Variants in FOXP1 observed in about 807,000 individuals in gnomAD.
The protein encoded by FOXP1 is forkhead box protein P1.
A neutral mutation model predicts 98.2 loss-of-function variants in FOXP1; 15 were observed. The observed-to-expected ratio is 0.15, with a 90% CI of 0.10 to 0.24. The LOEUF (loss-of-function observed/expected upper bound fraction) is 0.24, where lower values mean the gene tolerates loss of function less well. Ranked by LOEUF, FOXP1 falls within the 10% of genes least tolerant of loss-of-function variation. The pLI, the probability that FOXP1 is intolerant of heterozygous loss-of-function variation, is 1.00. For missense variants in FOXP1, 633 were observed against 848.5 expected, an observed-to-expected ratio of 0.75 and a Z score of 3.15; for synonymous variants, 371 against 314.5, an observed-to-expected ratio of 1.18 and a Z score of -1.90.
At position 71,424,975 on chromosome 3, in the gene FOXP1, T is replaced by C. The variant is rs1404767354; in HGVS notation, c.-167-65731A>G. 3.9e-5 allele frequency among the ~76,000 whole-genome samples: 6 copies of C among 152,356 alleles called. 1 individual carries two copies. Among genetic ancestry groups the C allele is most frequent in the Middle Eastern group, 6.8e-3 (2 of 294 alleles). On this transcript the variant is annotated intron_variant, in intron 3 of 20. Coordinates refer to ENST00000649528, the MANE Select transcript of FOXP1 (RefSeq NM_001349338.3). ...AGGGAAATGTGTATGGCAGTTGCCA[T>C]ACTCTCAGTGTTTACTCAGAAAAAG...
intron 7 of FOXP1, among the ~76,000 whole-genome samples, chr3:71,080,647 GCTT>G (rs1303395881): frequency 2.0e-5 from 3 of 152,138 alleles, no homozygotes; most frequent in Non-Finnish European, 2.9e-5. Context: ...CCTCTGTACT[GCTT>G]TGACACATCC....
At chr3:71,157,993 C>T (rs1324911978) in intron 6 of FOXP1, among the ~76,000 whole-genome samples, 4 of 150,856 alleles carry the variant, frequency 2.7e-5, no homozygotes, top group East Asian at 2.0e-4. Flanking sequence ...GAGGCTGAGG[C>T]GGGAGGATCG....
intron 7 of FOXP1, among the ~76,000 whole-genome samples, chr3:71,098,338 G>A (rs1360365691): frequency 2.6e-5 from 4 of 152,112 alleles, no homozygotes; most frequent in Admixed American, 2.6e-4. Context: ...AAAGTTCTAT[G>A]CCATTAATAT....
intron 3 of FOXP1, among the ~76,000 whole-genome samples, chr3:71,464,669 C>G (rs745596880): frequency 6.6e-6 from 1 of 152,300 alleles, no homozygotes; most frequent in African/African-American, 2.4e-5. Context: ...TCTGCTCTAC[C>G]CTTTTCACCC....
intron 3 of FOXP1, among the ~76,000 whole-genome samples, chr3:71,428,021 C>G (rs2084323837): frequency 6.6e-6 from 1 of 152,170 alleles, no homozygotes. Flanking sequence ...AAGAGTGGAA[C>G]TGGGAGAGAG....
chr3:71,278,364 G>A (rs2071141041), intron 5 of FOXP1, among the ~76,000 whole-genome samples: 1 of 152,178 alleles, frequency 6.6e-6, no homozygotes, highest in South Asian at 2.1e-4. Flanking sequence ...CAGAAGCACT[G>A]GACAGTAGGC....
At chr3:71,092,712 A>T (rs1235932742) in intron 7 of FOXP1, among the ~76,000 whole-genome samples, 1 of 152,158 alleles carries the variant, frequency 6.6e-6, no homozygotes, top group Non-Finnish European at 1.5e-5. Context: ...ATTTTCCTTC[A>T]AACTTCCAGG....
At chr3:70,979,316 A>AAAAAAAAAAAAATAAAAAAAAAAAAAG (rs1553670621) in intron 14 of FOXP1, among the ~76,000 whole-genome samples, 1 of 96,514 alleles carries the variant, frequency 1.0e-5, no homozygotes, top group African/African-American at 4.3e-5. Context: ...AAAAAAAAAA[A>AAAAAAAAAAAAATAAAAAAAAAAAAAG]AAAAGAAAAA....
chr3:71,122,242 C>T (rs1259900882), intron 6 of FOXP1, among the ~76,000 whole-genome samples: 1 of 152,134 alleles, frequency 6.6e-6, no homozygotes, highest in Admixed American at 6.5e-5. Flanking sequence ...CTTTGCTTCA[C>T]AAAGTACCTT....
At chr3:71,559,982 A>G (rs1406029562) in intron 2 of FOXP1, among the ~76,000 whole-genome samples, 2 of 152,204 alleles carry the variant, frequency 1.3e-5, no homozygotes, top group Non-Finnish European at 2.9e-5. Context: ...TAGATCTGCT[A>G]GTAGCCATCT....
rs552251721 is a variant in FOXP1 at position 71,106,802 on chromosome 3, C to T, written c.282+5734G>A. Among the ~76,000 whole-genome samples, 25 of 143,828 alleles carry T rather than the reference C, an allele frequency of 1.7e-4. 1 individual carries two copies. In the South Asian group the frequency reaches 4.6e-3, roughly 26 times the overall value. 94.4% of individuals were successfully genotyped at this position (143,828 alleles called of 152,430 possible). On this transcript the variant is annotated intron_variant, in intron 7 of 20. Coordinates refer to ENST00000649528, the MANE Select transcript of FOXP1 (RefSeq NM_001349338.3). ...TTTTTTTTTTTTTTTGAGCTAGGAT[C>T]TTGCTCTGTTTCCCAGGCTGGAATG...
At chr3:71,069,180 C>T (rs2052919380) in intron 7 of FOXP1, among the ~76,000 whole-genome samples, 1 of 152,186 alleles carries the variant, frequency 6.6e-6, no homozygotes, top group Non-Finnish European at 1.5e-5. Context: ...TTAAATTCCC[C>T]TTAATGCATC....
intron 3 of FOXP1, among the ~76,000 whole-genome samples, chr3:71,420,913 T>C (rs980962134): frequency 2.0e-5 from 3 of 152,178 alleles, no homozygotes; most frequent in African/African-American, 7.2e-5. Context: ...TTGCCCAGGC[T>C]ACCATGTGAG....
chr3:71,035,193 G>A (rs1359466245), intron 11 of FOXP1, among the ~76,000 whole-genome samples: 1 of 152,124 alleles, frequency 6.6e-6, no homozygotes, highest in Non-Finnish European at 1.5e-5. Context: ...CAGCCTCTGA[G>A]TAGCAAGACT....
At chr3:70,998,333 T>C (rs2041663854) in intron 13 of FOXP1, among the ~76,000 whole-genome samples, 1 of 152,210 alleles carries the variant, frequency 6.6e-6, no homozygotes, top group African/African-American at 2.4e-5. Flanking sequence ...GAAATTGGAA[T>C]TTCCTAGACT....
At chr3:71,071,660 G>A (rs1163896475) in intron 7 of FOXP1, among the ~76,000 whole-genome samples, 1 of 151,968 alleles carries the variant, frequency 6.6e-6, no homozygotes, top group African/African-American at 2.4e-5. Flanking sequence ...TGCAACCTCC[G>A]CCCCCTGTGT....
chr3:71,445,088 T>G (rs2086295051), intron 3 of FOXP1, among the ~76,000 whole-genome samples: 2 of 152,086 alleles, frequency 1.3e-5, no homozygotes, highest in Admixed American at 1.3e-4. Flanking sequence ...AGGCATGACA[T>G]AAATAGCTTC....
chr3:71,258,259 G>T (rs140235493), intron 5 of FOXP1, among the ~76,000 whole-genome samples: 10 of 152,260 alleles, frequency 6.6e-5, no homozygotes, highest in African/African-American at 1.9e-4. Flanking sequence ...AATTGAAAAG[G>T]CTTCATAGAA....
chr3:71,449,941 G>A (rs2086788961), intron 3 of FOXP1, among the ~76,000 whole-genome samples: 1 of 152,178 alleles, frequency 6.6e-6, no homozygotes, highest in South Asian at 2.1e-4. Flanking sequence ...TCAGAGAGGT[G>A]ACTTCAGTCA....
Sources: gnomAD v4.1 joint callset for allele counts (sites outside exome capture counted in the v4.1 genomes callset) on GRCh38, gnomAD v4.1.1 for gene constraint, MANE v1.5 for transcripts, NCBI Gene and HGNC (gene_info 2026-07-23, HGNC 2026-07-21) for gene names.